MPP7: variants seen among roughly 807,000 people sequenced by gnomAD.
The protein encoded by MPP7 is MAGUK p55 subfamily member 7.
A neutral mutation model predicts 76.5 loss-of-function variants in MPP7; 60 were observed. The observed-to-expected ratio is 0.78, with a 90% CI of 0.64 to 0.97. The LOEUF is 0.97. MPP7 is among the 50% of genes least tolerant of loss of function. The pLI, the probability that MPP7 is intolerant of heterozygous loss-of-function variation, is 0.00. For synonymous variants in MPP7, 237 were observed against 244.5 expected (o/e 0.97, Z 0.29); for missense variants, 641 against 694.0 (o/e 0.92, Z 0.86).
chr10:28,302,927 C>T lies in MPP7; in HGVS notation c.-198G>A, dbSNP rs904503436. ...GCTCTGGCCCCTGCAGCCCCGGGCC[C>T]GGAGGCAAGGAGGCAGCGACCGCCA... On this transcript the variant is annotated 5_prime_UTR_variant, in exon 1 of 17. Coordinates refer to ENST00000683449, the MANE Select transcript of MPP7 (RefSeq NM_001318170.2). Among the ~76,000 whole-genome samples the T allele has an allele frequency of 6.6e-6, 1 of 152,126 alleles. No homozygotes were observed. Among genetic ancestry groups the T allele is most frequent in the African/African-American group, 2.4e-5 (1 of 41,452 alleles).
chr10:28,064,499 A>G (rs1338559724), intron 13 of MPP7, among the ~76,000 whole-genome samples: 2 of 152,230 alleles, frequency 1.3e-5, no homozygotes. Context: ...TGAGATGGAA[A>G]CATTCATTAT....
At chr10:28,090,834 T>C (rs1853260893) in intron 11 of MPP7, among the ~76,000 whole-genome samples, 1 of 152,162 alleles carries the variant, frequency 6.6e-6, no homozygotes. Flanking sequence ...GCTTTCATAA[T>C]GTGACACATA....
At chr10:28,206,664 T>C (rs575668264) in intron 2 of MPP7, among the ~76,000 whole-genome samples, 1 of 152,292 alleles carries the variant, frequency 6.6e-6, no homozygotes, top group African/African-American at 2.4e-5. Flanking sequence ...AGAGTTAAAA[T>C]ACATCATTTT....
At chr10:28,231,047 A>G (rs1429582544) in intron 2 of MPP7, among the ~76,000 whole-genome samples, 2 of 152,160 alleles carry the variant, frequency 1.3e-5, no homozygotes, top group Non-Finnish European at 2.9e-5. Context: ...ATGGTTAAAC[A>G]TATTCAGAAT....
chr10:28,230,588 C>T (rs1838847311), intron 2 of MPP7, among the ~76,000 whole-genome samples: 2 of 152,154 alleles, frequency 1.3e-5, no homozygotes, highest in African/African-American at 4.8e-5. Flanking sequence ...CCGAGGCAGG[C>T]AGATCACTTG....
chr10:28,059,545 T>A (rs1378628019), intron 14 of MPP7, 105 bp downstream of exon 14: 1 of 647,774 alleles, frequency 1.5e-6, no homozygotes, highest in African/African-American at 1.9e-5. Flanking sequence ...ATTATTATGA[T>A]AATTAAAATA....
intron 11 of MPP7, among the ~76,000 whole-genome samples, chr10:28,105,256 C>T (rs1303442030): frequency 2.1e-5 from 3 of 143,496 alleles, no homozygotes; most frequent in African/African-American, 7.9e-5. Flanking sequence ...TTTTGCACAA[C>T]ATCAGCCCTT....
intron 2 of MPP7, among the ~76,000 whole-genome samples, chr10:28,221,072 C>A (rs1310035872): frequency 6.6e-6 from 1 of 152,046 alleles, no homozygotes; most frequent in Non-Finnish European, 1.5e-5. Flanking sequence ...CCTAAGAAAC[C>A]TCAAGCTAAC....
In MPP7 at chr10:28,202,991, A is replaced by AG. The variant is rs1239947859; in HGVS notation, c.38-721_38-720insC. 10 of 132,628 alleles carry AG rather than the reference A, an allele frequency of 7.5e-5. 1 individual carries two copies. In the East Asian group the frequency reaches 6.0e-3, roughly 79 times the overall value. The allele number at this position is 132,628 out of a possible 1,614,324, so 8.2% of individuals were successfully genotyped here. A position where few individuals can be genotyped will look rare whatever the true frequency, so the allele number is the denominator to read the frequency against. The stretch of plus-strand genomic sequence containing the variant: ...GTAGTGCAGTGTTCCACGGTAGCGT[A>AG]CTACATAAACCATCCATCTCCATCA... On this transcript the variant is annotated intron_variant, in intron 2 of 16. Transcript: ENST00000683449.
At chr10:28,093,763 C>T (rs1853431170) in intron 11 of MPP7, among the ~76,000 whole-genome samples, 1 of 152,074 alleles carries the variant, frequency 6.6e-6, no homozygotes. Flanking sequence ...TTACTTTCAT[C>T]ATAAACAATG....
At chr10:28,134,121 GC>G (rs1381483180) in intron 5 of MPP7, among the ~76,000 whole-genome samples, 1 of 152,058 alleles carries the variant, frequency 6.6e-6, no homozygotes, top group African/African-American at 2.4e-5. Flanking sequence ...AAAATTAGTA[GC>G]GTTTTTCAAT....
rs374526394 is a variant in MPP7 at position 28,214,658 on chromosome 10, C to T, written c.38-12387G>A. Among the ~76,000 whole-genome samples the T allele has an allele frequency of 2.0e-5, 3 of 152,124 alleles. 1 individual carries two copies. Among genetic ancestry groups the T allele is most frequent in the South Asian group, 4.1e-4 (2 of 4,830 alleles). ...GACAGTGAAAGAAATCAGACCTAAC[C>T]GACTCCATCTTGTTTCTAACCTTTA... On this transcript the variant is annotated intron_variant, in intron 2 of 16. Coordinates refer to ENST00000683449, the MANE Select transcript of MPP7 (RefSeq NM_001318170.2).
At chr10:28,283,151 A>G (rs909912029) in intron 1 of MPP7, among the ~76,000 whole-genome samples, 1 of 151,980 alleles carries the variant, frequency 6.6e-6, no homozygotes, top group Non-Finnish European at 1.5e-5. Context: ...GCTTATCCAA[A>G]TTATGTGAAG....
intron 3 of MPP7, among the ~76,000 whole-genome samples, chr10:28,154,984 G>A (rs1836004899): frequency 6.6e-6 from 1 of 151,706 alleles, no homozygotes; most frequent in Non-Finnish European, 1.5e-5. Flanking sequence ...TGATGTCATG[G>A]AACTCAGACA....
intron 12 of MPP7, among the ~76,000 whole-genome samples, chr10:28,088,970 G>A (rs1853154539): frequency 6.6e-6 from 1 of 152,176 alleles, no homozygotes; most frequent in South Asian, 2.1e-4. Flanking sequence ...CCACCTCCCA[G>A]GTTCAAGGGA....
At chr10:28,081,292 C>T (rs1432262733) in intron 12 of MPP7, among the ~76,000 whole-genome samples, 1 of 152,208 alleles carries the variant, frequency 6.6e-6, no homozygotes, top group Non-Finnish European at 1.5e-5. Context: ...CTTCTCCCTG[C>T]TCCCTCCCTC....
At chr10:28,220,959 G>C (rs1472406316) in intron 2 of MPP7, among the ~76,000 whole-genome samples, 2 of 152,110 alleles carry the variant, frequency 1.3e-5, no homozygotes, top group Non-Finnish European at 2.9e-5. Context: ...TAAGTGAAAG[G>C]AAGGCTCTTA....
chr10:28,234,489 G>T (rs1252827149), intron 2 of MPP7, among the ~76,000 whole-genome samples: 2 of 152,116 alleles, frequency 1.3e-5, no homozygotes, highest in African/African-American at 4.8e-5. Flanking sequence ...AAAGATTACA[G>T]TATGGAAAGG....
chr10:28,205,119 C>T (rs1015186638), intron 2 of MPP7, among the ~76,000 whole-genome samples: 7 of 152,152 alleles, frequency 4.6e-5, no homozygotes, highest in Non-Finnish European at 8.8e-5. Context: ...CCTTCAACTA[C>T]CACATCTGGT....
Sources: allele counts gnomAD v4.1 joint callset (sites outside exome capture counted in the v4.1 genomes callset), GRCh38; gene constraint gnomAD v4.1.1; transcripts MANE v1.5; gene names NCBI Gene and HGNC (gene_info 2026-07-23, HGNC 2026-07-21).